WNK2: variants seen among roughly 807,000 people sequenced by gnomAD.
WNK2 encodes WNK lysine deficient protein kinase 2, also known as serine/threonine-protein kinase WNK2.
Under a neutral mutation model 192.1 loss-of-function variants are expected in WNK2, and 67 were observed. That is an observed-to-expected ratio of 0.35 (90% CI 0.29 to 0.43). The LOEUF (loss-of-function observed/expected upper bound fraction) is 0.43. Among genes scored for constraint, WNK2 ranks in the 20% least tolerant of loss-of-function variants. The pLI, the probability that WNK2 is intolerant of heterozygous loss-of-function variation, is 1.00. For missense variants in WNK2, 2,698 were observed against 3,089.7 expected, an observed-to-expected ratio of 0.87 and a Z score of 3.01; for synonymous variants, 1,439 against 1,393.9, an observed-to-expected ratio of 1.03 and a Z score of -0.72.
intron 12 of WNK2, 125 bp from the exon 13 acceptor site, chr9:93,261,689 G>A (rs1344614495): frequency 2.1e-5 from 23 of 1,120,200 alleles, no homozygotes; most frequent in Non-Finnish European, 2.9e-5. Flanking sequence ...CTCCCCTTGG[G>A]GAGGGTGTGG....
chr9:93,225,628 A>G (rs896896741), intron 2 of WNK2, among the ~76,000 whole-genome samples: 1 of 152,154 alleles, frequency 6.6e-6, no homozygotes, highest in Non-Finnish European at 1.5e-5. Flanking sequence ...TTTCTTAGTC[A>G]TTTAGAACGT....
At chr9:93,280,515 A>G (rs906350434) in intron 19 of WNK2, among the ~76,000 whole-genome samples, 3 of 152,192 alleles carry the variant, frequency 2.0e-5, no homozygotes, top group Non-Finnish European at 4.4e-5. Context: ...TACTTAACCA[A>G]AATTAGTTAA....
At chr9:93,297,144 C>T (rs1850721549) in intron 23 of WNK2, among the ~76,000 whole-genome samples, 1 of 145,688 alleles carries the variant, frequency 6.9e-6, no homozygotes, top group Admixed American at 6.8e-5. Context: ...CCCTCGGCGT[C>T]ATCCCCTCCC....
In WNK2 at chr9:93,267,750, A is replaced by G. The variant is rs1455472823; in HGVS notation, c.3701A>G (p.Glu1234Gly). 4 of 1,592,216 alleles carry G rather than the reference A, an allele frequency of 2.5e-6. No individual in the cohort carries two copies. The highest frequency in any genetic ancestry group is 2.6e-6 in the Non-Finnish European group (3 of 1,168,948). Reference sequence around the variant, plus strand: ...TGGCAGTATGTCCCTTTGCAGGTGGAGCATGACTTTATCCTGCAGGCCGAG... The same window carrying G: ...TGGCAGTATGTCCCTTTGCAGGTGGGGCATGACTTTATCCTGCAGGCCGAG... ...APDEIATYMV[E>G]HDFILQAERE... is the part of the protein sequence containing the mutation. Residue 1234 changes from glutamate to glycine, a missense_variant, in exon 17 of 30, where the codon GAG (glutamate) becomes GGG (glycine). Glu to Gly is a moderately conservative substitution (Grantham distance 98). Transcript: ENST00000427277.
intron 19 of WNK2, among the ~76,000 whole-genome samples, chr9:93,269,129 G>T (rs926296079): frequency 2.0e-5 from 3 of 152,010 alleles, no homozygotes; most frequent in Admixed American, 6.5e-5. Flanking sequence ...GCTTGCTTTG[G>T]GGGGTGGGGT....
intron 2 of WNK2, among the ~76,000 whole-genome samples, chr9:93,212,988 A>G (rs1835066437): frequency 6.6e-6 from 1 of 152,200 alleles, no homozygotes; most frequent in South Asian, 2.1e-4. Context: ...CGTGGGCACC[A>G]GACCTGAGCT....
chr9:93,256,995 A>G lies in WNK2; in HGVS notation c.2238A>G (p.Pro746=), dbSNP rs1271737068. The change falls in exon 11 of 30, where the codon CCA becomes CCG. Residue 746 remains proline, a synonymous_variant. Coordinates refer to ENST00000427277, the MANE Select transcript of WNK2 (RefSeq NM_006648.4). ...QPTPLPQVLA[P]QPVVPLQPVP... is the part of the protein sequence containing the mutation. ...CACCCCTGCCGCAGGTCCTGGCCCC[A>G]CAGCCCGTGGTCCCCCTCCAGCCGG... The G allele has an allele frequency of 1.3e-6, 2 of 1,597,024 alleles. No individual in the cohort carries two copies. Among genetic ancestry groups the G allele is most frequent in the Admixed American group, 3.4e-5 (2 of 58,884 alleles).
At chr9:93,300,516 T>C (rs1851417857) in intron 26 of WNK2, among the ~76,000 whole-genome samples, 1 of 152,200 alleles carries the variant, frequency 6.6e-6, no homozygotes, top group African/African-American at 2.4e-5. Flanking sequence ...ATGTAGTTTT[T>C]TTTTCTGTTG....
intron 19 of WNK2, chr9:93,268,982 G>A: frequency 4.5e-6 from 7 of 1,541,354 alleles, no homozygotes; most frequent in Non-Finnish European, 6.1e-6. Context: ...CCACCAAGTA[G>A]GTGGCTCGCA....
At chr9:93,202,015 C>T (rs746497140) in intron 2 of WNK2, among the ~76,000 whole-genome samples, 8 of 152,234 alleles carry the variant, frequency 5.3e-5, no homozygotes, top group African/African-American at 1.2e-4. Flanking sequence ...CAGGCTGGGC[C>T]GGTGAGGGTT....
rs374053279 is a variant in WNK2, at chr9:93,203,543, G to A, written c.681+17933G>A. Among the ~76,000 whole-genome samples the A allele has an allele frequency of 1.2e-4, 18 of 152,292 alleles. 1 individual carries two copies. The East Asian group carries it at 2.7e-3, about 23-fold the overall frequency. ...CAGGCCGGGGGCACAGGGGCTGGTC[G>A]TTGAAGGCCTAGTCCCCTGCAGTCT... On this transcript the variant is annotated intron_variant, in intron 2 of 29. Coordinates refer to ENST00000427277, the MANE Select transcript of WNK2 (RefSeq NM_006648.4).
chr9:93,199,110 A>G (rs530038780), intron 2 of WNK2, among the ~76,000 whole-genome samples: 2 of 152,140 alleles, frequency 1.3e-5, no homozygotes, highest in South Asian at 4.2e-4. Flanking sequence ...TGGGCCTGAG[A>G]CGTGTGAGCA....
intron 20 of WNK2, 56 bp from the exon 21 acceptor site, chr9:93,289,922 T>G: frequency 6.2e-5 from 93 of 1,493,680 alleles, no homozygotes; most frequent in Non-Finnish European, 7.9e-5. Flanking sequence ...ATACAGCTGT[T>G]GAGATGCTGA....
chr9:93,287,546 C>T (rs1051988057), intron 19 of WNK2, among the ~76,000 whole-genome samples: 4 of 152,036 alleles, frequency 2.6e-5, no homozygotes, highest in Admixed American at 6.5e-5. Flanking sequence ...ACGTGCAGCA[C>T]GACCATCATG....
intron 28 of WNK2, 98 bp from the exon 29 acceptor site, chr9:93,317,422 C>T (rs1226539288): frequency 1.7e-6 from 2 of 1,204,678 alleles, no homozygotes; most frequent in African/African-American, 1.5e-5. Flanking sequence ...CTGCTGCCTC[C>T]TGAGGATGGA....
intron 19 of WNK2, among the ~76,000 whole-genome samples, chr9:93,281,373 CA>C (rs11311059): frequency 0.75 from 113,401 of 151,250 alleles, 44,163 homozygotes; most frequent in East Asian, 1. Context: ...GAAACTATGC[CA>C]AAAAAAAAGC....
chr9:93,275,009 A>G (rs1244891371), intron 19 of WNK2, among the ~76,000 whole-genome samples: 7 of 152,222 alleles, frequency 4.6e-5, no homozygotes, highest in Admixed American at 3.9e-4. Flanking sequence ...TCTCATGAAC[A>G]TAGAGGGCAA....
chr9:93,306,655 A>T, intron 26 of WNK2, 122 bp from the exon 27 acceptor site: 1 of 1,287,200 alleles, frequency 7.8e-7, no homozygotes, highest in Non-Finnish European at 1.1e-6. Flanking sequence ...CTCTCTCTGA[A>T]CTGCTGCCTG....
intron 2 of WNK2, among the ~76,000 whole-genome samples, chr9:93,204,584 C>T (rs1267032405): frequency 2.0e-5 from 3 of 152,210 alleles, no homozygotes; most frequent in East Asian, 1.9e-4. Flanking sequence ...GCTGCTGGCT[C>T]CCACTGAGGG....
Sources: allele counts gnomAD v4.1 joint callset (sites outside exome capture counted in the v4.1 genomes callset), GRCh38; gene constraint gnomAD v4.1.1; transcripts MANE v1.5; gene names NCBI Gene and HGNC (gene_info 2026-07-23, HGNC 2026-07-21).